The following SLC39A10 variants were observed in gnomAD, a reference collection of about 807,000 sequenced individuals.
SLC39A10 encodes the protein zinc transporter ZIP10.
In SLC39A10, 13 loss-of-function variants were observed where a neutral mutation model predicts 65.1. That is an observed-to-expected ratio of 0.20 (90% CI 0.13 to 0.32). The LOEUF (loss-of-function observed/expected upper bound fraction) is 0.32. SLC39A10 is among the 10% of genes least tolerant of loss of function. The pLI is 1.00. For synonymous variants in SLC39A10, 321 were observed against 342.2 expected, an observed-to-expected ratio of 0.94 and a Z score of 0.68; for missense variants, 831 against 1,018.4, an observed-to-expected ratio of 0.82 and a Z score of 2.50.
intron 3 of SLC39A10, among the ~76,000 whole-genome samples, chr2:195,692,072 T>C (rs1222208500): frequency 6.6e-6 from 1 of 152,196 alleles, no homozygotes; most frequent in Non-Finnish European, 1.5e-5. Context: ...ACATATGGCT[T>C]ACCAGTTATC....
chr2:195,650,669 C>T (rs1689012866), intron 2 of SLC39A10, among the ~76,000 whole-genome samples: 1 of 152,038 alleles, frequency 6.6e-6, no homozygotes, highest in Admixed American at 6.6e-5. Context: ...TGAGAAGTTG[C>T]TTAAATTTTT....
At chr2:195,732,939 G>A (rs1692474499) in intron 9 of SLC39A10, among the ~76,000 whole-genome samples, 1 of 152,290 alleles carries the variant, frequency 6.6e-6, no homozygotes, top group Admixed American at 6.5e-5. Flanking sequence ...AAGTGATTTT[G>A]TGAATGGTTT....
intron 3 of SLC39A10, among the ~76,000 whole-genome samples, chr2:195,699,405 T>C (rs923011042): frequency 9.2e-5 from 14 of 151,996 alleles, no homozygotes; most frequent in Admixed American, 5.9e-4. Context: ...TTACTTGTTT[T>C]TTTCATGTGA....
chr2:195,657,032 C>A (rs1056452197), upstream of SLC39A10: 1 of 152,282 alleles, frequency 6.6e-6, no homozygotes, highest in Non-Finnish European at 1.5e-5. Context: ...GACTCCTTTA[C>A]GCAACTGGCG....
At chr2:195,685,460 C>T (rs557297609) in intron 3 of SLC39A10, among the ~76,000 whole-genome samples, 6 of 152,148 alleles carry the variant, frequency 3.9e-5, no homozygotes, top group South Asian at 2.1e-4. Flanking sequence ...CAAGGCTTTC[C>T]GTAATATGAT....
At chr2:195,707,001 A>G (rs963320179) in intron 4 of SLC39A10, among the ~76,000 whole-genome samples, 5 of 151,754 alleles carry the variant, frequency 3.3e-5, no homozygotes, top group African/African-American at 1.2e-4. Flanking sequence ...AATAGTCTTT[A>G]AAAAAAACTC....
At chr2:195,618,830 C>A (rs950978683) in intron 2 of SLC39A10, among the ~76,000 whole-genome samples, 1 of 152,006 alleles carries the variant, frequency 6.6e-6, no homozygotes. Context: ...CGGTGGCTCA[C>A]GCCTGTAATC....
chr2:195,664,093 T>C (rs1574239381), intron 1 of SLC39A10, among the ~76,000 whole-genome samples: 2 of 152,296 alleles, frequency 1.3e-5, no homozygotes, highest in Admixed American at 1.3e-4. Flanking sequence ...AAAGGTATGC[T>C]AAAGTTAAAT....
intron 8 of SLC39A10, among the ~76,000 whole-genome samples, chr2:195,722,886 A>T (rs1441589303): frequency 1.3e-5 from 2 of 152,174 alleles, no homozygotes; most frequent in Non-Finnish European, 2.9e-5. Flanking sequence ...ATGGAGACTG[A>T]CCCTCAGTTG....
intron 3 of SLC39A10, among the ~76,000 whole-genome samples, chr2:195,705,299 G>C (rs1691359519): frequency 6.6e-6 from 1 of 152,060 alleles, no homozygotes; most frequent in African/African-American, 2.4e-5. Flanking sequence ...TGCCTCTTAG[G>C]TTACCTATAT....
At chr2:195,617,288 C>T (rs1009790822) in intron 2 of SLC39A10, among the ~76,000 whole-genome samples, 1 of 152,100 alleles carries the variant, frequency 6.6e-6, no homozygotes, top group Non-Finnish European at 1.5e-5. Flanking sequence ...CTGAGCCGGG[C>T]GTAGTGGCTC....
chr2:195,687,919 G>A (rs1174095499), intron 3 of SLC39A10, among the ~76,000 whole-genome samples: 1 of 152,226 alleles, frequency 6.6e-6, no homozygotes. Flanking sequence ...TGCTGAAGCA[G>A]TGTAGAAAAC....
At chr2:195,634,511 A>G (rs1559009721) in intron 2 of SLC39A10, among the ~76,000 whole-genome samples, 2 of 152,082 alleles carry the variant, frequency 1.3e-5, no homozygotes, top group African/African-American at 4.8e-5. Context: ...GACTTGTAAT[A>G]ATTTTATTTT....
chr2:195,618,551 G>A (rs137886989), intron 2 of SLC39A10, among the ~76,000 whole-genome samples: 624 of 152,194 alleles, frequency 4.1e-3, no homozygotes, highest in South Asian at 6.6e-3. Flanking sequence ...CATTACCTCC[G>A]CTTCATGGTA....
intron 1 of SLC39A10, among the ~76,000 whole-genome samples, chr2:195,674,347 G>A (rs529170041): frequency 1.3e-5 from 2 of 151,810 alleles, no homozygotes; most frequent in Non-Finnish European, 2.9e-5. Context: ...GCATGATCTC[G>A]GCTCACTGCA....
chr2:195,636,073 C>G (rs1476694471), intron 2 of SLC39A10, among the ~76,000 whole-genome samples: 3 of 152,122 alleles, frequency 2.0e-5, no homozygotes, highest in East Asian at 3.9e-4. Flanking sequence ...TGTAATTAAC[C>G]TTCAGCAAAC....
intron 2 of SLC39A10, among the ~76,000 whole-genome samples, chr2:195,640,651 A>G (rs1418189272): frequency 1.3e-5 from 2 of 152,212 alleles, no homozygotes; most frequent in Non-Finnish European, 2.9e-5. Flanking sequence ...CAAAGACTTG[A>G]TCTTCAGAAA....
intron 8 of SLC39A10, among the ~76,000 whole-genome samples, chr2:195,724,431 C>T (rs1692162223): frequency 6.6e-6 from 1 of 152,006 alleles, no homozygotes; most frequent in Non-Finnish European, 1.5e-5. Context: ...ATGCAGATAC[C>T]TTTGAGAATT....
chr2:195,659,281 A>G (rs1386346702), intron 1 of SLC39A10, among the ~76,000 whole-genome samples: 1 of 152,184 alleles, frequency 6.6e-6, no homozygotes, highest in Non-Finnish European at 1.5e-5. Context: ...TGACATCAAT[A>G]ATAGATTGCA....
Sources: gnomAD v4.1 joint callset for allele counts (sites outside exome capture counted in the v4.1 genomes callset) on GRCh38, gnomAD v4.1.1 for gene constraint, MANE v1.5 for transcripts, NCBI Gene and HGNC (gene_info 2026-07-23, HGNC 2026-07-21) for gene names.